OR56A1: variants seen among roughly 807,000 people sequenced by gnomAD.
OR56A1 encodes the protein olfactory receptor 56A1.
For synonymous variants in OR56A1, 174 were observed against 159.1 expected (o/e 1.09, Z -0.70); for missense variants, 360 against 380.9 (o/e 0.94, Z 0.46).
rs1384242149 is a variant in OR56A1, at chr11:6,023,463, A to G, written c.*3285T>C. On this transcript the variant is annotated 3_prime_UTR_variant, in exon 2 of 2. Transcript: ENST00000641900. The stretch of plus-strand genomic sequence containing the variant: ...CCACCTTAATTCCAGAGGACTTGCT[A>G]TTCTTTCTTTCCACTGGCCTTGATT... 1 of 152,136 alleles carries G rather than the reference A, an allele frequency of 6.6e-6. No individual in the cohort carries two copies. Among genetic ancestry groups the G allele is most frequent in the Non-Finnish European group, 1.5e-5 (1 of 68,004 alleles). The allele number at this position is 152,136 out of a possible 1,614,324, so 9.4% of individuals were successfully genotyped here.
At chr11:6,032,729 C>T (rs1848524643), upstream of OR56A1, among the ~76,000 whole-genome samples, 1 of 152,126 alleles carries the variant, frequency 6.6e-6, no homozygotes, top group Admixed American at 6.6e-5. Context: ...CCACTGCTCA[C>T]AGGTGCCCCC....
rs759602938 is a variant in OR56A1 at position 6,022,483 on chromosome 11, G to A, written c.*4265C>T. 6 of 152,118 alleles carry A rather than the reference G, an allele frequency of 3.9e-5. No homozygotes were observed. 9.4% of individuals were successfully genotyped at this position (152,118 alleles called of 1,614,324 possible). A position where few individuals can be genotyped will look rare whatever the true frequency, so the allele number is the denominator to read the frequency against. ...TTAATTGCATTGACTAATTCAATGC[G>A]TGTGGGTTTTTAGTGTACTCTGCCT... On this transcript the variant is annotated 3_prime_UTR_variant, in exon 2 of 2. Transcript: ENST00000641900.
At chr11:6,033,389 T>C (rs1051442519), upstream of OR56A1, among the ~76,000 whole-genome samples, 26 of 150,940 alleles carry the variant, frequency 1.7e-4, no homozygotes, top group African/African-American at 4.9e-4. Flanking sequence ...AAAACTGGAT[T>C]GGCAATATTA....
chr11:6,033,595 A>G (rs895112117), upstream of OR56A1, among the ~76,000 whole-genome samples: 2 of 151,612 alleles, frequency 1.3e-5, no homozygotes, highest in Non-Finnish European at 2.9e-5. Context: ...GCAAACTGAG[A>G]CACAGTCATA....
chr11:6,020,760 A>G lies in OR56A1; in HGVS notation c.*5988T>C, dbSNP rs11040309. The stretch of plus-strand genomic sequence containing the variant: ...AATCATGTCATCTGCAAACAGAGAC[A>G]GTTTGACTTCATGTCTTCTTATTTG... On this transcript the variant is annotated 3_prime_UTR_variant, in exon 2 of 2. Coordinates refer to ENST00000641900, the MANE Select transcript of OR56A1 (RefSeq NM_001388488.1). The G allele has an allele frequency of 0.4, 60,130 of 151,904 alleles. 12,527 individuals carry two copies. The highest frequency in any genetic ancestry group is 0.51 in the African/African-American group (21,198 of 41,414). The allele number at this position is 151,904 out of a possible 1,614,324, so 9.4% of individuals were successfully genotyped here. A position where few individuals can be genotyped will look rare whatever the true frequency, so the allele number is the denominator to read the frequency against.
chr11:6,034,220 T>G (rs4408290), upstream of OR56A1: 1 of 152,068 alleles, frequency 6.6e-6, no homozygotes, highest in South Asian at 2.1e-4. Context: ...CGTATCCTCC[T>G]GGTCACTCTT....
Position 6,023,728 on chromosome 11 carries a change from A to T in OR56A1, c.*3020T>A, listed in dbSNP as rs904263415. On this transcript the variant is annotated 3_prime_UTR_variant, in exon 2 of 2. Coordinates refer to ENST00000641900, the MANE Select transcript of OR56A1 (RefSeq NM_001388488.1). ...TCATAGACTTCCTCAGTTTTGAAAAACTGACAAAACATTGGTACCCCATCC... is the reference window on the plus strand; with the variant it reads ...TCATAGACTTCCTCAGTTTTGAAAATCTGACAAAACATTGGTACCCCATCC... 1 of 152,196 alleles carries T rather than the reference A, an allele frequency of 6.6e-6. No homozygotes were observed. The highest frequency in any genetic ancestry group is 1.5e-5 in the Non-Finnish European group (1 of 68,024). The allele number at this position is 152,196 out of a possible 1,614,324, so 9.4% of individuals were successfully genotyped here.
chr11:6,027,211 G>A lies in OR56A1; in HGVS notation c.482C>T (p.Pro161Leu). 6.2e-7 allele frequency: 1 copy of A among 1,614,100 alleles called. No individual in the cohort carries two copies. Among genetic ancestry groups the A allele is most frequent in the Non-Finnish European group, 8.5e-7 (1 of 1,179,912 alleles). The change falls in exon 2 of 2, where the codon CCC becomes CTC. Residue 161 changes from proline (P) to leucine (L), a missense_variant. Pro to Leu is a moderately conservative substitution (Grantham distance 98). Coordinates refer to ENST00000641900, the MANE Select transcript of OR56A1 (RefSeq NM_001388488.1). ...IVVRNALLTA[P>L]IPILTSLLHY... ...GAGCAGGGAAGTGAGGATAGGAATG[G>A]GTGCAGTAAGAAGCGCATTCCGCAC...
chr11:6,030,016 G>C (rs998234447), intron 1 of OR56A1, among the ~76,000 whole-genome samples: 1 of 152,140 alleles, frequency 6.6e-6, no homozygotes, highest in Non-Finnish European at 1.5e-5. Flanking sequence ...GTCAGTTTTA[G>C]AAGCCAGCGC....
chr11:6,025,271 C>G lies in OR56A1; in HGVS notation c.*1477G>C, dbSNP rs1319766158. On this transcript the variant is annotated 3_prime_UTR_variant, in exon 2 of 2. Transcript: ENST00000641900. ...AGCTGCGCCAGTTACTAACACTTAT[C>G]TCTCAGTCCCAAGCCTGCCGTCCAT... The G allele has an allele frequency of 6.6e-6, 1 of 152,244 alleles. No individual in the cohort carries two copies. The highest frequency in any genetic ancestry group is 1.9e-4 in the East Asian group (1 of 5,196). 9.4% of individuals were successfully genotyped at this position (152,244 alleles called of 1,614,324 possible).
In OR56A1 at chr11:6,021,138, CT is replaced by C. The variant is rs1405500756; in HGVS notation, c.*5609del. ...AATGGAAATTATGCCTAAGAAAATC[CT>C]TTGAGTGTGATCACTAGCACATTGA... On this transcript the variant is annotated 3_prime_UTR_variant, in exon 2 of 2. Transcript: ENST00000641900. 2 of 151,970 alleles carry C rather than the reference CT, an allele frequency of 1.3e-5. No individual in the cohort carries two copies. The highest frequency in any genetic ancestry group is 2.9e-5 in the Non-Finnish European group (2 of 67,934). 9.4% of individuals were successfully genotyped at this position (151,970 alleles called of 1,614,324 possible).
At chr11:6,031,625 G>C (rs923376109), upstream of OR56A1, among the ~76,000 whole-genome samples, 1 of 152,058 alleles carries the variant, frequency 6.6e-6, no homozygotes, top group Non-Finnish European at 1.5e-5. Flanking sequence ...AGTGACCCCC[G>C]GTTTACTAGC....
Position 6,025,434 on chromosome 11 carries a change from T to G in OR56A1, c.*1314A>C, listed in dbSNP as rs1268803696. The G allele has an allele frequency of 6.6e-6, 1 of 152,252 alleles. No homozygotes were observed. Among genetic ancestry groups the G allele is most frequent in the African/African-American group, 2.4e-5 (1 of 41,470 alleles). 9.4% of individuals were successfully genotyped at this position (152,252 alleles called of 1,614,324 possible). ...AGGGACACTTGCTCTTTCTGTCTGTTCCTGTCTTGTCAGTATTCCTTAGCA... is the reference window on the plus strand; with the variant it reads ...AGGGACACTTGCTCTTTCTGTCTGTGCCTGTCTTGTCAGTATTCCTTAGCA... On this transcript the variant is annotated 3_prime_UTR_variant, in exon 2 of 2. Transcript: ENST00000641900.
chr11:6,034,199 C>G (rs948110514), upstream of OR56A1: 5 of 152,210 alleles, frequency 3.3e-5, no homozygotes, highest in African/African-American at 9.7e-5. Context: ...GGAAAGGATC[C>G]CTGCCTGCCT....
rs1848412094 is a variant in OR56A1, at chr11:6,022,988, A to G, written c.*3760T>C. The G allele has an allele frequency of 6.6e-6, 1 of 152,202 alleles. No homozygotes were observed. Among genetic ancestry groups the G allele is most frequent in the Non-Finnish European group, 1.5e-5 (1 of 68,024 alleles). The allele number at this position is 152,202 out of a possible 1,614,324, so 9.4% of individuals were successfully genotyped here. A position where few individuals can be genotyped will look rare whatever the true frequency, so the allele number is the denominator to read the frequency against. ...TTTAAATGTTGCTGAAGAAAAGAAA[A>G]TCATGGTATAAATTGGTATGTCTCT... On this transcript the variant is annotated 3_prime_UTR_variant, in exon 2 of 2. Transcript: ENST00000641900.
chr11:6,033,240 G>T (rs1320635428), upstream of OR56A1, among the ~76,000 whole-genome samples: 1 of 151,942 alleles, frequency 6.6e-6, no homozygotes, highest in African/African-American at 2.4e-5. Flanking sequence ...TTGGAAAATG[G>T]GTGTGGACGA....
intron 1 of OR56A1, among the ~76,000 whole-genome samples, chr11:6,029,003 G>A (rs1019973925): frequency 6.6e-6 from 1 of 152,004 alleles, no homozygotes; most frequent in Non-Finnish European, 1.5e-5. Context: ...TAGAACTGGA[G>A]GCCATTATCT....
Position 6,023,378 on chromosome 11 carries a change from T to A in OR56A1, c.*3370A>T, listed in dbSNP as rs1848416370. On this transcript the variant is annotated 3_prime_UTR_variant, in exon 2 of 2. Transcript: ENST00000641900. ...AAATGGAAAGTGTAGTATTGTTCCC[T>A]CAACAATACTTAGGTGTTTGTTTTG... is the stretch of plus-strand genomic sequence containing the variant. 1 of 152,218 alleles carries A rather than the reference T, an allele frequency of 6.6e-6. No homozygotes were observed. Among genetic ancestry groups the A allele is most frequent in the Non-Finnish European group, 1.5e-5 (1 of 68,024 alleles). 9.4% of individuals were successfully genotyped at this position (152,218 alleles called of 1,614,324 possible). A position where few individuals can be genotyped will look rare whatever the true frequency, so the allele number is the denominator to read the frequency against.
chr11:6,027,477 C>A lies in OR56A1; in HGVS notation c.216G>T (p.Leu72=). ...TGACGGTGAGGCAGAGCACGATGTC[C>A]AGCAGGGAGAGGAGGCTGAGCAGGT... ...LYYLLSLLSL[L]DIVLCLTVIP... The change falls in exon 2 of 2, where the codon CTG becomes CTT. Residue 72 remains leucine (L), a synonymous_variant. Transcript: ENST00000641900. 1.2e-6 allele frequency: 2 copies of A among 1,614,138 alleles called. No homozygotes were observed. Among genetic ancestry groups the A allele is most frequent in the South Asian group, 2.2e-5 (2 of 91,076 alleles).
Sources: gnomAD v4.1 joint callset for allele counts (sites outside exome capture counted in the v4.1 genomes callset) on GRCh38, gnomAD v4.1.1 for gene constraint, MANE v1.5 for transcripts, NCBI Gene and HGNC (gene_info 2026-07-23, HGNC 2026-07-21) for gene names.